The following SLC30A9 variants were observed in gnomAD, a reference collection of about 807,000 sequenced individuals.
The protein encoded by SLC30A9 is proton-coupled zinc antiporter SLC30A9, mitochondrial.
A neutral mutation model predicts 87.5 loss-of-function variants in SLC30A9; 58 were observed. The observed-to-expected ratio is 0.66, with a 90% CI of 0.54 to 0.82. The LOEUF is 0.82. Among genes scored for constraint, SLC30A9 ranks in the 40% least tolerant of loss-of-function variants. The pLI, the probability that SLC30A9 is intolerant of heterozygous loss-of-function variation, is 0.00. For synonymous variants in SLC30A9, 234 were observed against 233.0 expected (o/e 1.00, Z -0.04); for missense variants, 557 against 679.1 (o/e 0.82, Z 2.00).
At chr4:42,068,166 GT>G (rs1718159909) in intron 14 of SLC30A9, among the ~76,000 whole-genome samples, 1 of 151,444 alleles carries the variant, frequency 6.6e-6, no homozygotes, top group African/African-American at 2.4e-5. Flanking sequence ...TTATTTCAGT[GT>G]TCAATATTAG....
chr4:42,046,710 T>C (rs1180204731), intron 8 of SLC30A9, among the ~76,000 whole-genome samples: 1 of 152,176 alleles, frequency 6.6e-6, no homozygotes, highest in Non-Finnish European at 1.5e-5. Flanking sequence ...TTGACTTTCT[T>C]CACAGAATTA....
At chr4:42,077,017 T>C (rs1212933774) in intron 16 of SLC30A9, among the ~76,000 whole-genome samples, 5 of 152,108 alleles carry the variant, frequency 3.3e-5, no homozygotes, top group African/African-American at 1.2e-4. Flanking sequence ...ACACGTTTCC[T>C]TGTTCACATA....
In SLC30A9 at chr4:42,049,418, A is replaced by T; in HGVS notation, c.779A>T (p.Tyr260Phe). ...TTCTTTAAATTTCTTGCCTGGATTT[A>T]TACCGGTTCAGCAAGTATGTTCTCA... The part of the protein sequence containing the change: ...NCFFKFLAWI[Y>F]TGSASMFSEA... Residue 260 changes from tyrosine (Y) to phenylalanine (F), a missense_variant, in exon 9 of 18, where the codon TAT (tyrosine) becomes TTT (phenylalanine). Physicochemically the swap from Tyr to Phe is conservative, Grantham distance 22 (BLOSUM62 3). Coordinates refer to ENST00000264451, the MANE Select transcript of SLC30A9 (RefSeq NM_006345.4). The T allele has an allele frequency of 6.2e-7, 1 of 1,612,340 alleles. No homozygotes were observed. Among genetic ancestry groups the T allele is most frequent in the African/African-American group, 1.3e-5 (1 of 74,982 alleles).
intron 1 of SLC30A9, among the ~76,000 whole-genome samples, chr4:41,998,568 A>T (rs543277917): frequency 6.6e-6 from 1 of 151,716 alleles, no homozygotes; most frequent in Non-Finnish European, 1.5e-5. Flanking sequence ...GGTTCAAGCG[A>T]TTCTCCTGCC....
intron 2 of SLC30A9, among the ~76,000 whole-genome samples, chr4:42,004,938 G>C (rs1430521300): frequency 6.6e-6 from 1 of 152,048 alleles, no homozygotes; most frequent in African/African-American, 2.4e-5. Context: ...ACAGGGGTGA[G>C]CCACTATACC....
rs1032420887 is a variant in SLC30A9, at chr4:42,087,613, A to G, written c.*1487A>G. The stretch of plus-strand genomic sequence containing the variant: ...TATTTTTCTTTTTTTTTTTTTTACT[A>G]TTACAGAGTATTTTGCATGCTGTAC... On this transcript the variant is annotated 3_prime_UTR_variant, in exon 18 of 18. Coordinates refer to ENST00000264451, the MANE Select transcript of SLC30A9 (RefSeq NM_006345.4). The G allele has an allele frequency of 1.4e-5, 2 of 143,840 alleles. No individual in the cohort carries two copies. Among genetic ancestry groups the G allele is most frequent in the African/African-American group, 5.1e-5 (2 of 38,958 alleles). The allele number at this position is 143,840 out of a possible 1,614,324, so 8.9% of individuals were successfully genotyped here. A position where few individuals can be genotyped will look rare whatever the true frequency, so the allele number is the denominator to read the frequency against.
chr4:41,998,891 G>A (rs191943487), intron 1 of SLC30A9, among the ~76,000 whole-genome samples: 14 of 152,278 alleles, frequency 9.2e-5, no homozygotes, highest in African/African-American at 3.1e-4. Flanking sequence ...GTAAATGTAT[G>A]TGCCATTTTC....
chr4:42,044,386 C>CAAAAAAAAAAAAAAAAAAAAAA (rs57572080), intron 8 of SLC30A9, among the ~76,000 whole-genome samples: 2 of 98,712 alleles, frequency 2.0e-5, no homozygotes, highest in African/African-American at 8.8e-5. Flanking sequence ...AAATGGAAAG[C>CAAAAAAAAAAAAAAAAAAAAAA]AAAAAAAAAA....
At chr4:42,049,883 G>T (rs1717319981) in intron 9 of SLC30A9, among the ~76,000 whole-genome samples, 1 of 152,108 alleles carries the variant, frequency 6.6e-6, no homozygotes, top group African/African-American at 2.4e-5. Context: ...AAAAATTTTT[G>T]TATTAATACA....
intron 15 of SLC30A9, among the ~76,000 whole-genome samples, chr4:42,075,052 TATATATA>T (rs1398920925): frequency 3.5e-3 from 78 of 22,442 alleles, no homozygotes; most frequent in South Asian, 0.011. Context: ...TATATATATA[TATATATA>T]TTTTTTTTTT....
intron 9 of SLC30A9, among the ~76,000 whole-genome samples, chr4:42,056,255 A>T (rs1276297371): frequency 6.6e-6 from 1 of 152,164 alleles, no homozygotes; most frequent in Non-Finnish European, 1.5e-5. Context: ...CATAATGTGA[A>T]TAATGACTGT....
At chr4:42,025,105 CA>C (rs5857829) in intron 6 of SLC30A9, among the ~76,000 whole-genome samples, 98,390 of 152,118 alleles carry the variant, frequency 0.65, 36,005 homozygotes, top group East Asian at 0.96. Flanking sequence ...CAGCTACCAA[CA>C]ACATGGCCAG....
chr4:42,035,360 G>A lies in SLC30A9; in HGVS notation c.669+27G>A, dbSNP rs779796223. On this transcript the variant is annotated intron_variant, in intron 7 of 17. Transcript: ENST00000264451. ...TATGGATATCTTTGTAATAATGTGT[G>A]TGTTTGTGTTGCACAGCAAAATTCT... 2.0e-5 allele frequency: 32 copies of A among 1,596,816 alleles called. No homozygotes were observed. The Admixed American group carries it at 4.0e-4, about 20-fold the overall frequency.
rs576700892 is a variant in SLC30A9, at chr4:42,089,579, G to C, written c.*3453G>C. On this transcript the variant is annotated 3_prime_UTR_variant, in exon 18 of 18. Coordinates refer to ENST00000264451, the MANE Select transcript of SLC30A9 (RefSeq NM_006345.4). The stretch of plus-strand genomic sequence containing the variant: ...ATTACAGGCATGCGCCACCACACCC[G>C]GCTAATTTTGTATTTCTGGTTTAGA... The C allele has an allele frequency of 1.3e-5, 2 of 152,232 alleles. No individual in the cohort carries two copies. The highest frequency in any genetic ancestry group is 4.2e-4 in the South Asian group (2 of 4,818). 9.4% of individuals were successfully genotyped at this position (152,232 alleles called of 1,614,324 possible).
chr4:42,018,576 C>A, intron 3 of SLC30A9: 2 of 420,236 alleles, frequency 4.8e-6, no homozygotes, highest in Non-Finnish European at 7.4e-6. Context: ...TTGTAGCTCT[C>A]TTCTGTATAA....
In SLC30A9 at chr4:41,990,539, G is replaced by T. The variant is rs1714372349; in HGVS notation, c.-113G>T. ...CGTTTCCGGGTCACCCAGGCAGCTT[G>T]TGGCGGCGAAGCCATCGGTGTTCGC... On this transcript the variant is annotated 5_prime_UTR_variant, in exon 1 of 18. Coordinates refer to ENST00000264451, the MANE Select transcript of SLC30A9 (RefSeq NM_006345.4). The T allele has an allele frequency of 1.7e-6, 1 of 604,102 alleles. No individual in the cohort carries two copies. Among genetic ancestry groups the T allele is most frequent in the Admixed American group, 3.4e-5 (1 of 29,672 alleles). The allele number at this position is 604,102 out of a possible 1,614,324, so 37.4% of individuals were successfully genotyped here.
At position 42,089,076 on chromosome 4, in the gene SLC30A9, C is replaced by G. The variant is rs1324210944; in HGVS notation, c.*2950C>G. 6.6e-6 allele frequency: 1 copy of G among 152,082 alleles called. No individual in the cohort carries two copies. Among genetic ancestry groups the G allele is most frequent in the African/African-American group, 2.4e-5 (1 of 41,416 alleles). 9.4% of individuals were successfully genotyped at this position (152,082 alleles called of 1,614,324 possible). A position where few individuals can be genotyped will look rare whatever the true frequency, so the allele number is the denominator to read the frequency against. ...CATTTGAGTATTAAAGCATATAAAT[C>G]ATTTTTAAGGAAAATATTCTCTGCA... On this transcript the variant is annotated 3_prime_UTR_variant, in exon 18 of 18. Transcript: ENST00000264451.
At chr4:42,059,097 C>G (rs2153139540) in intron 9 of SLC30A9, among the ~76,000 whole-genome samples, 1 of 152,206 alleles carries the variant, frequency 6.6e-6, no homozygotes, top group South Asian at 2.1e-4. Flanking sequence ...TCTTTAATCT[C>G]TATTTTTTAT....
intron 7 of SLC30A9, among the ~76,000 whole-genome samples, chr4:42,037,863 C>T (rs189144199): frequency 3.9e-5 from 6 of 152,158 alleles, no homozygotes; most frequent in South Asian, 2.1e-4. Flanking sequence ...CTCCGCCTCC[C>T]GGGTTCAAGA....
Sources: allele counts gnomAD v4.1 joint callset (sites outside exome capture counted in the v4.1 genomes callset), GRCh38; gene constraint gnomAD v4.1.1; transcripts MANE v1.5; gene names NCBI Gene and HGNC (gene_info 2026-07-23, HGNC 2026-07-21).